Variants in DIS3L2 observed in about 807,000 individuals in gnomAD.
The protein encoded by DIS3L2 is DIS3-like exonuclease 2.
A neutral mutation model predicts 97.5 loss-of-function variants in DIS3L2; 34 were observed. That is an observed-to-expected ratio of 0.35 (90% CI 0.27 to 0.46). The LOEUF (loss-of-function observed/expected upper bound fraction) is 0.46. Ranked by LOEUF, DIS3L2 falls within the 20% of genes least tolerant of loss-of-function variation. DIS3L2 has a pLI of 1.00. For missense variants in DIS3L2, 1,038 were observed against 1,146.0 expected, an observed-to-expected ratio of 0.91 and a Z score of 1.36; for synonymous variants, 435 against 445.2, an observed-to-expected ratio of 0.98 and a Z score of 0.29.
At chr2:232,238,345 G>A (rs1413485235) in intron 10 of DIS3L2, among the ~76,000 whole-genome samples, 188 bp from the exon 11 acceptor site, 1 of 152,206 alleles carries the variant, frequency 6.6e-6, no homozygotes, top group Non-Finnish European at 1.5e-5. Flanking sequence ...GCTATACAAT[G>A]AGGAAAGTGA....
Position 232,133,958 on chromosome 2 carries a change from A to T in DIS3L2, c.703-2514A>T, listed in dbSNP as rs2106352917. On this transcript the variant is annotated intron_variant, in intron 7 of 20. Coordinates refer to ENST00000325385, the MANE Select transcript of DIS3L2 (RefSeq NM_152383.5). ...AGCTGAAATCGTGCCACCGTATTCT[A>T]GCCTGGGTAACAGAGCAAGACTCTG... 2.0e-5 allele frequency among the ~76,000 whole-genome samples: 3 copies of T among 146,578 alleles called. No individual in the cohort carries two copies. The South Asian group carries it at 6.6e-4, about 32-fold the overall frequency.
intron 11 of DIS3L2, among the ~76,000 whole-genome samples, chr2:232,239,022 C>T (rs1188235020): frequency 6.6e-6 from 1 of 152,144 alleles, no homozygotes; most frequent in African/African-American, 2.4e-5. Flanking sequence ...TACTGTAAGC[C>T]CTTTAAGGAA....
chr2:232,315,613 G>A (rs576544368), intron 14 of DIS3L2, among the ~76,000 whole-genome samples: 139 of 152,302 alleles, frequency 9.1e-4, no homozygotes, highest in African/African-American at 2.8e-3. Flanking sequence ...AGGAATTGCT[G>A]TGCTTGATGA....
At chr2:232,193,062 C>T (rs1448264755) in intron 9 of DIS3L2, among the ~76,000 whole-genome samples, 1 of 152,214 alleles carries the variant, frequency 6.6e-6, no homozygotes, top group African/African-American at 2.4e-5. Context: ...CGGGCCCATC[C>T]AACCAAAGGG....
chr2:232,064,164 C>T (rs141860496), intron 5 of DIS3L2, among the ~76,000 whole-genome samples: 2 of 152,218 alleles, frequency 1.3e-5, no homozygotes, highest in East Asian at 3.9e-4. Flanking sequence ...TAACCATCAC[C>T]ATAATGAAGA....
intron 1 of DIS3L2, among the ~76,000 whole-genome samples, chr2:231,978,188 A>G (rs1222612779): frequency 6.6e-6 from 1 of 152,246 alleles, no homozygotes; most frequent in African/African-American, 2.4e-5. Context: ...AATATGTGTA[A>G]GGTATATAGA....
intron 6 of DIS3L2, among the ~76,000 whole-genome samples, chr2:232,108,982 C>A (rs1183902501): frequency 6.6e-6 from 1 of 152,146 alleles, no homozygotes; most frequent in Admixed American, 6.5e-5. Flanking sequence ...ACCATACTGC[C>A]CAAAACAATT....
downstream of DIS3L2, chr2:232,341,140 C>G (rs2106361426): frequency 2.8e-6 from 1 of 359,638 alleles, no homozygotes; most frequent in Non-Finnish European, 5.4e-6. Context: ...GATACATGTC[C>G]CTCGCCTTCT....
At chr2:232,270,434 C>T (rs987328654) in intron 13 of DIS3L2, among the ~76,000 whole-genome samples, 6 of 152,106 alleles carry the variant, frequency 3.9e-5, no homozygotes, top group Non-Finnish European at 8.8e-5. Context: ...TAAATATTAC[C>T]TAATGAGTTT....
intron 12 of DIS3L2, among the ~76,000 whole-genome samples, chr2:232,254,389 A>C (rs958304381): frequency 6.6e-6 from 1 of 152,206 alleles, no homozygotes; most frequent in Non-Finnish European, 1.5e-5. Flanking sequence ...GGAAAAAATG[A>C]ATGGAAAAAG....
intron 11 of DIS3L2, among the ~76,000 whole-genome samples, chr2:232,241,165 C>T (rs575759188): frequency 5.9e-5 from 9 of 152,352 alleles, no homozygotes; most frequent in Admixed American, 5.9e-4. Context: ...TCTTCCTACT[C>T]GGTTTTGTTT....
chr2:232,101,045 G>A (rs1167069975), intron 6 of DIS3L2, among the ~76,000 whole-genome samples: 1 of 151,952 alleles, frequency 6.6e-6, no homozygotes, highest in Non-Finnish European at 1.5e-5. Context: ...AGACCAGCCT[G>A]GACAACGTGG....
intron 3 of DIS3L2, among the ~76,000 whole-genome samples, chr2:232,017,616 C>T (rs952740426): frequency 6.6e-6 from 1 of 152,100 alleles, no homozygotes; most frequent in African/African-American, 2.4e-5. Flanking sequence ...CATTCTTATC[C>T]TCCTGCACTC....
chr2:232,015,084 T>G, intron 2 of DIS3L2, 105 bp downstream of exon 2: 3 of 1,072,448 alleles, frequency 2.8e-6, no homozygotes, highest in Non-Finnish European at 4.1e-6. Flanking sequence ...GCTACTATAA[T>G]TCTTTTAGTG....
rs535772798 is a variant in DIS3L2 at position 232,197,967 on chromosome 2, T to TA, written c.1125-12345dup. On this transcript the variant is annotated intron_variant, in intron 9 of 20. Transcript: ENST00000325385. Reference sequence around the variant, plus strand: ...GCGACAGAGTGAGACTCCATCTCATTAAAAAAAAAAAAAAGAAAAGTCTGG... The same window carrying TA: ...GCGACAGAGTGAGACTCCATCTCATTAAAAAAAAAAAAAAAGAAAAGTCTGG... 3.7e-3 allele frequency among the ~76,000 whole-genome samples: 515 copies of TA among 137,622 alleles called. 1 individual carries two copies. The highest frequency in any genetic ancestry group is 0.016 in the South Asian group (69 of 4,230). 90.3% of individuals were successfully genotyped at this position (137,622 alleles called of 152,430 possible).
chr2:232,036,949 G>A (rs1694965870), intron 5 of DIS3L2, among the ~76,000 whole-genome samples: 1 of 152,188 alleles, frequency 6.6e-6, no homozygotes, highest in South Asian at 2.1e-4. Context: ...CCTGTATGAG[G>A]TGTCTGTTGA....
intron 6 of DIS3L2, among the ~76,000 whole-genome samples, chr2:232,095,729 G>T (rs534313775): frequency 6.6e-6 from 1 of 152,016 alleles, no homozygotes; most frequent in East Asian, 1.9e-4. Flanking sequence ...TCCCTTTAGC[G>T]TTTCTTCTAG....
In DIS3L2 at chr2:232,030,330, T is replaced by G. The variant is rs72987671; in HGVS notation, c.366+250T>G. On this transcript the variant is annotated intron_variant, in intron 5 of 20. Coordinates refer to ENST00000325385, the MANE Select transcript of DIS3L2 (RefSeq NM_152383.5). The stretch of plus-strand genomic sequence containing the variant: ...ATCCTCCCTGTCACATGCCTTGCAC[T>G]GGTTTTTGGTATTCTTTTGAATAAA... Among the ~76,000 whole-genome samples the G allele has an allele frequency of 0.011, 1,714 of 152,294 alleles. 18 individuals carry two copies. Among genetic ancestry groups the G allele is most frequent in the Non-Finnish European group, 0.016 (1,117 of 68,018 alleles).
chr2:232,276,994 C>T lies in DIS3L2; in HGVS notation c.1659+13554C>T, dbSNP rs773960562. On this transcript the variant is annotated intron_variant, in intron 13 of 20. Transcript: ENST00000325385. The surrounding 1 kb of genome is among the most constrained non-coding windows in gnomAD (Gnocchi z 4.4). The stretch of plus-strand genomic sequence containing the variant: ...GTGAACTTGGAAGGACTACAGTAAA[C>T]GATGGTGGCCATCAGCAGCCATGGC... Among the ~76,000 whole-genome samples, 13 of 152,332 alleles carry T rather than the reference C, an allele frequency of 8.5e-5. No individual in the cohort carries two copies. The highest frequency in any genetic ancestry group is 1.9e-4 in the East Asian group (1 of 5,188).
Sources: gnomAD v4.1 joint callset for allele counts (sites outside exome capture counted in the v4.1 genomes callset) on GRCh38, gnomAD v4.1.1 for gene constraint, Gnocchi (gnomAD v3.1) non-coding constraint, MANE v1.5 for transcripts, NCBI Gene and HGNC (gene_info 2026-07-23, HGNC 2026-07-21) for gene names.